The following COPS8 variants were observed in gnomAD, a reference collection of about 807,000 sequenced individuals.
COPS8 encodes COP9 signalosome complex subunit 8.
In COPS8, 11 loss-of-function variants were observed where a neutral mutation model predicts 31.5. That is an observed-to-expected ratio of 0.35 (90% confidence interval 0.22 to 0.58). COPS8 has a LOEUF of 0.58. Among genes scored for constraint, COPS8 ranks in the 20% least tolerant of loss-of-function variants. The probability of loss-of-function intolerance (pLI) is 0.83; values close to 1 mark genes in which losing one functional copy is unlikely to be tolerated. For synonymous variants in COPS8, 81 were observed against 89.3 expected, an observed-to-expected ratio of 0.91 and a Z score of 0.52; for missense variants, 215 against 255.1, an observed-to-expected ratio of 0.84 and a Z score of 1.07.
Position 237,087,167 on chromosome 2 carries a change from T to C in COPS8, c.119T>C (p.Leu40Pro). 6.2e-7 allele frequency: 1 copy of C among 1,609,298 alleles called. No individual in the cohort carries two copies. The highest frequency in any genetic ancestry group is 8.5e-7 in the Non-Finnish European group (1 of 1,178,348). The change falls in exon 2 of 8, where the codon CTT becomes CCT. Residue 40 changes from leucine to proline, a missense_variant. Physicochemically the swap from Leu to Pro is moderately conservative, Grantham distance 98 (BLOSUM62 -3). Transcript: ENST00000354371. ...GIATPPVYGQLLALYLLHNDM... is the reference protein window; with the variant it reads ...GIATPPVYGQPLALYLLHNDM... The stretch of plus-strand genomic sequence containing the variant: ...GCTACACCCCCAGTGTATGGTCAGC[T>C]TCTAGCTTTATATTTGCTCCATAAT...
At position 237,095,819 on chromosome 2, in the gene COPS8, T is replaced by A. The variant is rs749880089; in HGVS notation, c.440-3T>A. ...GATCTTTATGTGTAATATACTTTTT[T>A]AGGCATATTAGAACAAGGATGGCAA... On this transcript the variant is annotated splice_polypyrimidine_tract_variant and splice_region_variant and intron_variant, in intron 5 of 7. Transcript: ENST00000354371. 7 of 1,600,848 alleles carry A rather than the reference T, an allele frequency of 4.4e-6. No individual in the cohort carries two copies. In the Admixed American group the frequency reaches 6.7e-5, roughly 15 times the overall value.
At chr2:237,095,770 T>C in intron 5 of COPS8, 52 bp from the exon 6 acceptor site, 3 of 1,239,238 alleles carry the variant, frequency 2.4e-6, no homozygotes, top group South Asian at 1.2e-5. Flanking sequence ...GTTGTGGATT[T>C]TGTGGGGTGT....
intron 7 of COPS8, 93 bp downstream of exon 7, chr2:237,096,962 T>A: frequency 1.2e-6 from 1 of 855,920 alleles, no homozygotes; most frequent in Non-Finnish European, 1.9e-6. Context: ...AGTGTGTGTA[T>A]CTATTTCTTA....
At chr2:237,090,028 A>G (rs1696678377) in intron 4 of COPS8, 34 bp downstream of exon 4, 17 of 1,609,982 alleles carry the variant, frequency 1.1e-5, no homozygotes, top group Non-Finnish European at 1.4e-5. Context: ...ATGAAATTAG[A>G]TGAGACTTAG....
intron 4 of COPS8, among the ~76,000 whole-genome samples, chr2:237,091,035 T>C (rs1696697426): frequency 6.6e-6 from 1 of 152,168 alleles, no homozygotes; most frequent in African/African-American, 2.4e-5. Flanking sequence ...GTGATTGTGG[T>C]GGGGCGGTCA....
chr2:237,089,622 A>G (rs1696673218), intron 3 of COPS8, among the ~76,000 whole-genome samples: 1 of 152,196 alleles, frequency 6.6e-6, no homozygotes, highest in Admixed American at 6.5e-5. Context: ...TTAATTTGCT[A>G]TTGTAATAAA....
intron 3 of COPS8, 120 bp downstream of exon 3, chr2:237,088,773 A>G: frequency 5.2e-6 from 3 of 573,528 alleles, no homozygotes; most frequent in Non-Finnish European, 8.9e-6. Context: ...GATTGGTATT[A>G]AGGATTCGAA....
intron 3 of COPS8, 84 bp downstream of exon 3, chr2:237,088,737 A>T: frequency 1.2e-6 from 1 of 826,702 alleles, no homozygotes; most frequent in Non-Finnish European, 1.9e-6. Flanking sequence ...TATGTTTTCT[A>T]TCTGACGTCC....
At chr2:237,088,239 T>A (rs1696653397) in intron 2 of COPS8, among the ~76,000 whole-genome samples, 1 of 152,214 alleles carries the variant, frequency 6.6e-6, no homozygotes, top group Non-Finnish European at 1.5e-5. Flanking sequence ...AGGCTTATTG[T>A]CAGGGAATGC....
intron 1 of COPS8, chr2:237,086,737 T>C (rs1696622346): frequency 2.1e-6 from 2 of 970,134 alleles, no homozygotes; most frequent in Non-Finnish European, 2.5e-6. Flanking sequence ...TTCAGGACGC[T>C]TGATGTAATG....
intron 1 of COPS8, among the ~76,000 whole-genome samples, chr2:237,086,448 C>A (rs1696614669): frequency 6.6e-6 from 1 of 152,170 alleles, no homozygotes; most frequent in East Asian, 1.9e-4. Context: ...AAAAATGTGA[C>A]CATTGTAACC....
In COPS8 at chr2:237,095,802, T is replaced by C. The variant is rs1458835995; in HGVS notation, c.440-20T>C. On this transcript the variant is annotated intron_variant, in intron 5 of 7. Transcript: ENST00000354371. ...GTGTTTTATTCTTTCCGGATCTTTA[T>C]GTGTAATATACTTTTTTAGGCATAT... The C allele has an allele frequency of 1.3e-6, 2 of 1,546,146 alleles. No individual in the cohort carries two copies. Among genetic ancestry groups the C allele is most frequent in the Non-Finnish European group, 1.8e-6 (2 of 1,117,996 alleles).
rs760558243 is a variant in COPS8, at chr2:237,100,044, T to C, written c.*2302T>C. ...TATCAGTTCTCAGGACAAATTGATA[T>C]GCTGCCAATCTCTAAAGCAACAAAA... is the stretch of plus-strand genomic sequence containing the variant. On this transcript the variant is annotated 3_prime_UTR_variant, in exon 8 of 8. Coordinates refer to ENST00000354371, the MANE Select transcript of COPS8 (RefSeq NM_006710.5). 4.6e-5 allele frequency: 7 copies of C among 152,204 alleles called. No homozygotes were observed. The highest frequency in any genetic ancestry group is 2.1e-4 in the South Asian group (1 of 4,826). The allele number at this position is 152,204 out of a possible 1,614,324, so 9.4% of individuals were successfully genotyped here.
At chr2:237,089,558 C>A (rs1696672716) in intron 3 of COPS8, among the ~76,000 whole-genome samples, 1 of 152,148 alleles carries the variant, frequency 6.6e-6, no homozygotes, top group African/African-American at 2.4e-5. Context: ...AATCCTTAAG[C>A]TAATTAGTCC....
At position 237,097,886 on chromosome 2, in the gene COPS8, G is replaced by T; in HGVS notation, c.*144G>T. 1 of 582,152 alleles carries T rather than the reference G, an allele frequency of 1.7e-6. No individual in the cohort carries two copies. Among genetic ancestry groups the T allele is most frequent in the Non-Finnish European group, 3.0e-6 (1 of 329,148 alleles). 36.1% of individuals were successfully genotyped at this position (582,152 alleles called of 1,614,324 possible). ...GTGATAAAATACATATAGAATATAA[G>T]ATATACTATATACATTTTGTCCATA... is the stretch of plus-strand genomic sequence containing the variant. On this transcript the variant is annotated 3_prime_UTR_variant, in exon 8 of 8. Transcript: ENST00000354371.
intron 4 of COPS8, among the ~76,000 whole-genome samples, chr2:237,091,452 T>G (rs1019324256): frequency 2.0e-5 from 3 of 152,246 alleles, no homozygotes; most frequent in African/African-American, 7.2e-5. Context: ...GAACATATCC[T>G]GAGACTTTTA....
At chr2:237,095,232 C>T (rs1005150748) in intron 5 of COPS8, among the ~76,000 whole-genome samples, 6 of 152,140 alleles carry the variant, frequency 3.9e-5, no homozygotes, top group African/African-American at 1.4e-4. Flanking sequence ...CTCGTATTCT[C>T]AGCTGACCAC....
At chr2:237,088,776 G>A (rs1696660532) in intron 3 of COPS8, 123 bp downstream of exon 3, 1 of 566,774 alleles carries the variant, frequency 1.8e-6, no homozygotes. Flanking sequence ...TGGTATTAAG[G>A]ATTCGAAATA....
rs780924048 is a variant in COPS8, at chr2:237,085,937, C to G, written c.-28C>G. 2 of 1,606,066 alleles carry G rather than the reference C, an allele frequency of 1.2e-6. No homozygotes were observed. Among genetic ancestry groups the G allele is most frequent in the Non-Finnish European group, 1.7e-6 (2 of 1,175,462 alleles). On this transcript the variant is annotated 5_prime_UTR_variant, in exon 1 of 8. Coordinates refer to ENST00000354371, the MANE Select transcript of COPS8 (RefSeq NM_006710.5). ...ACAGTCTGGGGTTTGGCTGTCCGGA[C>G]GGTGCAGCGGCGAGGCCGGCCGCGA...
Sources: allele counts gnomAD v4.1 joint callset (sites outside exome capture counted in the v4.1 genomes callset), GRCh38; gene constraint gnomAD v4.1.1; transcripts MANE v1.5; gene names NCBI Gene and HGNC (gene_info 2026-07-23, HGNC 2026-07-21).